The following CCDC12 variants were observed in gnomAD, a reference collection of about 807,000 sequenced individuals.
The protein encoded by CCDC12 is coiled-coil domain-containing protein 12.
A neutral mutation model predicts 25.7 loss-of-function variants in CCDC12; 28 were observed. The ratio of observed to expected loss-of-function variants is 1.09; its 90% CI spans 0.81 to 1.50. CCDC12 has a LOEUF of 1.50. Among genes scored for constraint, CCDC12 ranks in the 40% most tolerant of loss-of-function variants. The pLI is 0.00. For synonymous variants in CCDC12, 75 were observed against 87.7 expected, an observed-to-expected ratio of 0.86 and a Z score of 0.81; for missense variants, 198 against 210.0, an observed-to-expected ratio of 0.94 and a Z score of 0.35.
intron 1 of CCDC12, among the ~76,000 whole-genome samples, chr3:46,971,075 T>C (rs1304931198): frequency 6.6e-6 from 1 of 152,120 alleles, no homozygotes; most frequent in African/African-American, 2.4e-5. Flanking sequence ...CCCTGGAGCA[T>C]CTCCACTCTC....
At chr3:46,946,371 G>A (rs539199179) in intron 1 of CCDC12, among the ~76,000 whole-genome samples, 2 of 152,368 alleles carry the variant, frequency 1.3e-5, no homozygotes, top group East Asian at 3.9e-4. Flanking sequence ...AATTAGCAAG[G>A]GATAGGTGTT....
intron 1 of CCDC12, among the ~76,000 whole-genome samples, chr3:46,971,569 C>T (rs905288969): frequency 1.3e-5 from 2 of 152,224 alleles, no homozygotes; most frequent in Non-Finnish European, 2.9e-5. Flanking sequence ...ATTGCAACCC[C>T]TAATCTTGTC....
At chr3:46,980,909 T>C (rs2035285555), upstream of CCDC12, among the ~76,000 whole-genome samples, 1 of 152,182 alleles carries the variant, frequency 6.6e-6, no homozygotes, top group South Asian at 2.1e-4. Context: ...GACCATTGTG[T>C]GCCCTGAACA....
At chr3:46,937,561 G>A (rs1575544175) in intron 2 of CCDC12, among the ~76,000 whole-genome samples, 1 of 152,244 alleles carries the variant, frequency 6.6e-6, no homozygotes, top group African/African-American at 2.4e-5. Context: ...GGACTGGAAG[G>A]TCACTTCTTT....
At chr3:46,933,245 C>T (rs2033301743) in intron 2 of CCDC12, among the ~76,000 whole-genome samples, 1 of 152,236 alleles carries the variant, frequency 6.6e-6, no homozygotes, top group Non-Finnish European at 1.5e-5. Context: ...GAGAAGCCTT[C>T]CTCAGCCCTA....
intron 1 of CCDC12, among the ~76,000 whole-genome samples, chr3:46,968,425 A>C (rs540631791): frequency 1.3e-5 from 2 of 152,144 alleles, no homozygotes; most frequent in Non-Finnish European, 2.9e-5. Flanking sequence ...CACTTACAAG[A>C]GGGTAAAGAA....
chr3:46,935,429 A>G (rs1045576401), intron 2 of CCDC12, among the ~76,000 whole-genome samples: 1 of 152,128 alleles, frequency 6.6e-6, no homozygotes, highest in Non-Finnish European at 1.5e-5. Context: ...GCTGTCAGCC[A>G]CAAACGCTGC....
chr3:46,941,253 G>A (rs929509252), intron 1 of CCDC12, among the ~76,000 whole-genome samples, 188 bp from the exon 2 acceptor site: 1 of 152,186 alleles, frequency 6.6e-6, no homozygotes, highest in Admixed American at 6.5e-5. Flanking sequence ...CTCATTGCCT[G>A]TGCAGAATTT....
At chr3:46,935,653 A>G (rs909696241) in intron 2 of CCDC12, among the ~76,000 whole-genome samples, 1 of 152,192 alleles carries the variant, frequency 6.6e-6, no homozygotes, top group Non-Finnish European at 1.5e-5. Context: ...TGAGTCATCC[A>G]TGCCTCTACA....
intron 1 of CCDC12, 57 bp from the exon 2 acceptor site, chr3:46,941,122 C>T (rs373601617): frequency 8.3e-6 from 13 of 1,561,062 alleles, no homozygotes; most frequent in African/African-American, 2.7e-5. Flanking sequence ...TTCCAGTCCA[C>T]GTGGCCCAGG....
intron 1 of CCDC12, among the ~76,000 whole-genome samples, chr3:46,968,803 A>G (rs943385847): frequency 4.6e-5 from 7 of 152,308 alleles, no homozygotes; most frequent in Non-Finnish European, 1.0e-4. Flanking sequence ...CCAGAGCCTA[A>G]GGGACAATCT....
rs536054129 is a variant in CCDC12, at chr3:46,936,374, G to C, written c.164+4624C>G. On this transcript the variant is annotated intron_variant, in intron 2 of 6. Transcript: ENST00000683445. ...GTAAAAGTTACTTCTGCCTTTTCGA[G>C]GTGTGTCCAGAGTCCTTTCACTCTC... Among the ~76,000 whole-genome samples the C allele has an allele frequency of 7.2e-5, 11 of 152,260 alleles. No individual in the cohort carries two copies. The South Asian group carries it at 2.1e-3, about 29-fold the overall frequency.
rs554364814 is a variant in CCDC12, at chr3:46,952,766, TAATC to T, written c.97-11705_97-11702del. Among the ~76,000 whole-genome samples the T allele has an allele frequency of 5.7e-4, 87 of 152,310 alleles. 1 individual carries two copies. In the Middle Eastern group the frequency reaches 0.01, roughly 18 times the overall value. ...ACAGTAGTACTGATATTATCAAAAA[TAATC>T]AATAATTAATCACTATGAAAATCTA... On this transcript the variant is annotated intron_variant, in intron 1 of 6. Transcript: ENST00000683445.
At chr3:46,946,063 A>T (rs905496762) in intron 1 of CCDC12, among the ~76,000 whole-genome samples, 5 of 152,208 alleles carry the variant, frequency 3.3e-5, no homozygotes, top group Non-Finnish European at 7.3e-5. Context: ...TTGCTGTCTG[A>T]ATGTAGTACC....
intron 1 of CCDC12, among the ~76,000 whole-genome samples, chr3:46,955,698 T>C (rs1232980744): frequency 2.0e-5 from 3 of 152,250 alleles, no homozygotes; most frequent in African/African-American, 7.2e-5. Context: ...GTGGCAACAA[T>C]ATGATTCGAG....
Position 46,921,846 on chromosome 3 carries a change from A to G in CCDC12, c.*211T>C. On this transcript the variant is annotated 3_prime_UTR_variant, in exon 7 of 7. Coordinates refer to ENST00000683445, the MANE Select transcript of CCDC12 (RefSeq NM_001277074.2). ...CATGTGCAGACACAGGCACGCCCAGAGTTGTTGCTGGTTCTGCCTCCATTC... is the reference window on the plus strand; with the variant it reads ...CATGTGCAGACACAGGCACGCCCAGGGTTGTTGCTGGTTCTGCCTCCATTC... 1 of 600,732 alleles carries G rather than the reference A, an allele frequency of 1.7e-6. No individual in the cohort carries two copies. The highest frequency in any genetic ancestry group is 3.0e-6 in the Non-Finnish European group (1 of 336,834). 37.2% of individuals were successfully genotyped at this position (600,732 alleles called of 1,614,324 possible).
chr3:46,923,438 G>A, intron 4 of CCDC12, 75 bp from the exon 5 acceptor site: 1 of 1,548,740 alleles, frequency 6.5e-7, no homozygotes, highest in Non-Finnish European at 8.8e-7. Flanking sequence ...TCGAGAAGGA[G>A]GGAAATGGGA....
At chr3:46,979,838 G>C, upstream of CCDC12, 1 of 428,126 alleles carries the variant, frequency 2.3e-6, no homozygotes, top group Non-Finnish European at 4.1e-6. Flanking sequence ...GTGGCGCGCA[G>C]CAGGGCCGGA....
At chr3:46,978,470 A>T (rs2035079527), upstream of CCDC12, among the ~76,000 whole-genome samples, 2 of 151,940 alleles carry the variant, frequency 1.3e-5, no homozygotes, top group African/African-American at 4.8e-5. Flanking sequence ...CCCAGCCCCA[A>T]CAAAGAGCCT....
Sources: gnomAD v4.1 joint callset for allele counts (sites outside exome capture counted in the v4.1 genomes callset) on GRCh38, gnomAD v4.1.1 for gene constraint, MANE v1.5 for transcripts, NCBI Gene and HGNC (gene_info 2026-07-23, HGNC 2026-07-21) for gene names.